STMN1: variants seen among roughly 807,000 people sequenced by gnomAD.
STMN1 encodes stathmin.
A neutral mutation model predicts 19.7 loss-of-function variants in STMN1; 3 were observed. The ratio of observed to expected loss-of-function variants is 0.15; its 90% confidence interval spans 0.07 to 0.39. The LOEUF (loss-of-function observed/expected upper bound fraction) is 0.39. STMN1 is among the 10% of genes least tolerant of loss of function. The probability of loss-of-function intolerance (pLI) is 1.00; values close to 1 mark genes in which losing one functional copy is unlikely to be tolerated. For synonymous variants in STMN1, 59 were observed against 58.9 expected (o/e 1.00, Z -0.01); for missense variants, 99 against 176.0 (o/e 0.56, Z 2.48).
chr1:25,887,495 TA>T, intron 4 of STMN1: 2 of 349,786 alleles, frequency 5.7e-6, no homozygotes, highest in South Asian at 2.8e-5. Context: ...AGCTTGCAAA[TA>T]AGAGAAATAC....
chr1:25,901,078 T>A lies in STMN1; in HGVS notation c.388A>T (p.Ile130Phe). 6.2e-7 allele frequency: 1 copy of A among 1,606,250 alleles called. No individual in the cohort carries two copies. Residue 130 changes from isoleucine to phenylalanine, a missense_variant, in exon 5 of 5, where the codon ATT becomes TTT. Transcript: ENST00000455785. ...TCTTTGTTCTTCCGCACTTCTTCAA[T>A]GTGCTTATCCTGTAAAGGAAGGGTA... ...LERLREKDKH[I>F]EEVRKNKESK...
rs2048855214 is a variant in STMN1, at chr1:25,900,200, C to T, written c.*816G>A. On this transcript the variant is annotated 3_prime_UTR_variant, in exon 5 of 5. Transcript: ENST00000455785. ...GGCAGGAAAGGATGAGGACATGCCC[C>T]ACCTGTAACGTAGAGCAAGCAAACC... 1.0e-6 allele frequency: 1 copy of T among 985,850 alleles called. No homozygotes were observed. The highest frequency in any genetic ancestry group is 4.7e-5 in the South Asian group (1 of 21,288). 61.1% of individuals were successfully genotyped at this position (985,850 alleles called of 1,614,324 possible).
In STMN1 at chr1:25,901,117, CAAAAAAAAAAA is replaced by C; in HGVS notation, c.379-41_379-31del. 7 of 1,204,956 alleles carry C rather than the reference CAAAAAAAAAAA, an allele frequency of 5.8e-6. No homozygotes were observed. In the South Asian group the frequency reaches 5.9e-5, roughly 10 times the overall value. The allele number at this position is 1,204,956 out of a possible 1,614,324, so 74.6% of individuals were successfully genotyped here. Reference sequence around the variant, plus strand: ...AAAGGAAGGGTAAGGTGTCATCAGTCAAAAAAAAAAAAAAAAAAAAAAGCCTGTCAAGTCAC... The same window carrying C: ...AAAGGAAGGGTAAGGTGTCATCAGTCAAAAAAAAAAAGCCTGTCAAGTCAC... On this transcript the variant is annotated intron_variant, in intron 4 of 4. Transcript: ENST00000455785.
At chr1:25,904,783 C>T in intron 1 of STMN1, 45 bp from the exon 2 acceptor site, 1 of 1,517,680 alleles carries the variant, frequency 6.6e-7, no homozygotes, top group Non-Finnish European at 8.9e-7. Flanking sequence ...CTTTGCCTTT[C>T]TATATGTCAT....
At chr1:25,905,658 G>A (rs1158032271) in intron 1 of STMN1, among the ~76,000 whole-genome samples, 6 of 152,124 alleles carry the variant, frequency 3.9e-5, no homozygotes, top group Admixed American at 1.3e-4. Context: ...CGGGGCTAAC[G>A]GTCCAATCCG....
At chr1:25,903,595 C>T (rs2048900562) in intron 3 of STMN1, 46 bp downstream of exon 3, 1 of 1,603,926 alleles carries the variant, frequency 6.2e-7, no homozygotes, top group African/African-American at 1.3e-5. Context: ...TTGATCTGCC[C>T]ATTACATAAA....
chr1:25,895,508 G>C (rs2048811822), downstream of STMN1, among the ~76,000 whole-genome samples: 1 of 152,198 alleles, frequency 6.6e-6, no homozygotes, highest in African/African-American at 2.4e-5. Context: ...AGCAGGGGCA[G>C]GGCGGATCCA....
At chr1:25,890,885 G>A (rs752577999) in intron 4 of STMN1, among the ~76,000 whole-genome samples, 4 of 152,084 alleles carry the variant, frequency 2.6e-5, no homozygotes, top group African/African-American at 7.2e-5. Context: ...TGGGACCCCC[G>A]CCATCTGGAA....
At chr1:25,889,154 T>C in intron 4 of STMN1, 1 of 364,152 alleles carries the variant, frequency 2.7e-6, no homozygotes, top group Non-Finnish European at 5.3e-6. Context: ...TGTCTGAAGG[T>C]CACAATCACA....
chr1:25,892,192 A>C (rs1177794643), intron 4 of STMN1, among the ~76,000 whole-genome samples: 1 of 152,196 alleles, frequency 6.6e-6, no homozygotes, highest in Non-Finnish European at 1.5e-5. Context: ...GTTCGAGACT[A>C]GCCTGGCCAA....
chr1:25,894,340 C>T (rs2048800805), intron 4 of STMN1, among the ~76,000 whole-genome samples: 3 of 152,010 alleles, frequency 2.0e-5, no homozygotes. Flanking sequence ...GATGTTGCAT[C>T]CTGAGGGGTC....
chr1:25,887,364 G>C (rs2048731276), intron 4 of STMN1: 2 of 274,336 alleles, frequency 7.3e-6, no homozygotes, highest in African/African-American at 4.6e-5. Flanking sequence ...GTTACGGTAA[G>C]TCTACCCCTC....
downstream of STMN1, among the ~76,000 whole-genome samples, chr1:25,895,714 A>C (rs1396738510): frequency 6.6e-6 from 1 of 152,248 alleles, no homozygotes; most frequent in Non-Finnish European, 1.5e-5. Context: ...AGCTAATTCA[A>C]CAATTTAAAA....
At chr1:25,906,427 A>C (rs1324132488), upstream of STMN1, 1 of 154,066 alleles carries the variant, frequency 6.5e-6, no homozygotes, top group African/African-American at 2.4e-5. The surrounding 1 kb of genome is among the most constrained non-coding windows in gnomAD (Gnocchi z 4.5). Context: ...TCTGAGCACC[A>C]ACAGACCCGG....
At chr1:25,893,920 G>T (rs541237791) in intron 4 of STMN1, among the ~76,000 whole-genome samples, 1 of 152,208 alleles carries the variant, frequency 6.6e-6, no homozygotes, top group Admixed American at 6.5e-5. Flanking sequence ...GAGTCATGGG[G>T]TGGGGTAGCC....
chr1:25,886,571 C>T (rs1463917550), intron 4 of STMN1, among the ~76,000 whole-genome samples: 1 of 148,784 alleles, frequency 6.7e-6, no homozygotes, highest in Non-Finnish European at 1.5e-5. Context: ...TCTGGAACAC[C>T]CCCACCACTT....
intron 4 of STMN1, among the ~76,000 whole-genome samples, chr1:25,890,653 A>G (rs948966006): frequency 2.0e-5 from 3 of 152,174 alleles, no homozygotes; most frequent in East Asian, 3.9e-4. Context: ...CTCTCTGGCC[A>G]CTAGAGCCAG....
Position 25,900,117 on chromosome 1 carries a change from T to G in STMN1, c.*899A>C, listed in dbSNP as rs1014642444. 3 of 985,726 alleles carry G rather than the reference T, an allele frequency of 3.0e-6. No homozygotes were observed. Among genetic ancestry groups the G allele is most frequent in the Non-Finnish European group, 3.6e-6 (3 of 829,946 alleles). 61.1% of individuals were successfully genotyped at this position (985,726 alleles called of 1,614,324 possible). The stretch of plus-strand genomic sequence containing the variant: ...TTCCCTTTAGTCATTTCACAGGAGT[T>G]GCTACAGCAGTACATAAAGTTTTAT... On this transcript the variant is annotated 3_prime_UTR_variant, in exon 5 of 5. Coordinates refer to ENST00000455785, the MANE Select transcript of STMN1 (RefSeq NM_005563.4).
chr1:25,887,549 T>C (rs1030229351), intron 4 of STMN1: 4 of 279,392 alleles, frequency 1.4e-5, no homozygotes, highest in Non-Finnish European at 2.9e-5. Flanking sequence ...AGTTTTAATA[T>C]GGTATAAAAA....
Sources: gnomAD v4.1 joint callset for allele counts (sites outside exome capture counted in the v4.1 genomes callset) on GRCh38, gnomAD v4.1.1 for gene constraint, Gnocchi (gnomAD v3.1) non-coding constraint, MANE v1.5 for transcripts, NCBI Gene and HGNC (gene_info 2026-07-23, HGNC 2026-07-21) for gene names.